Variants in CNTNAP2 observed in about 807,000 individuals in gnomAD.
CNTNAP2 encodes contactin-associated protein-like 2.
Under a neutral mutation model 155.2 loss-of-function variants are expected in CNTNAP2, and 98 were observed. The observed-to-expected ratio is 0.63, with a 90% confidence interval of 0.54 to 0.75. CNTNAP2 has a LOEUF of 0.75. Ranked by LOEUF, CNTNAP2 falls within the 30% of genes least tolerant of loss-of-function variation. The pLI, the probability that CNTNAP2 is intolerant of heterozygous loss-of-function variation, is 0.00. For missense variants in CNTNAP2, 1,727 were observed against 1,688.1 expected (o/e 1.02, Z -0.40); for synonymous variants, 651 against 631.2 (o/e 1.03, Z -0.47).
intron 1 of CNTNAP2, among the ~76,000 whole-genome samples, chr7:146,414,641 C>G (rs557196832): frequency 1.3e-5 from 2 of 151,874 alleles, no homozygotes; most frequent in South Asian, 2.1e-4. Flanking sequence ...TAAGGGGTGA[C>G]TGAAGGGGTT....
intron 1 of CNTNAP2, among the ~76,000 whole-genome samples, chr7:146,649,866 A>C (rs1316978052): frequency 6.6e-6 from 1 of 152,162 alleles, no homozygotes; most frequent in Non-Finnish European, 1.5e-5. Context: ...CTGAAAAGAC[A>C]CTTCTCAAAA....
At chr7:147,726,245 G>A (rs12666318) in intron 13 of CNTNAP2, among the ~76,000 whole-genome samples, 95,515 of 151,806 alleles carry the variant, frequency 0.63, 33,206 homozygotes, top group East Asian at 0.93. Flanking sequence ...GAGAGATCTT[G>A]TGTTAAGTAT....
At chr7:148,105,366 A>T (rs1804184891) in intron 15 of CNTNAP2, among the ~76,000 whole-genome samples, 1 of 152,224 alleles carries the variant, frequency 6.6e-6, no homozygotes, top group South Asian at 2.1e-4. Flanking sequence ...TGGAATCCAC[A>T]CACACCATTG....
chr7:146,662,312 A>C (rs903189748), intron 1 of CNTNAP2, among the ~76,000 whole-genome samples: 1 of 151,358 alleles, frequency 6.6e-6, no homozygotes, highest in African/African-American at 2.4e-5. Context: ...TAGTTTTTCT[A>C]TTTTTAGCAG....
intron 18 of CNTNAP2, among the ~76,000 whole-genome samples, chr7:148,196,303 T>A (rs12533142): frequency 1.6e-4 from 25 of 152,314 alleles, no homozygotes; most frequent in Admixed American, 1.4e-3. Flanking sequence ...TGTCTTTTAA[T>A]CCCAAGTGAA....
intron 21 of CNTNAP2, among the ~76,000 whole-genome samples, chr7:148,301,409 C>G (rs1475765986): frequency 6.7e-6 from 1 of 149,326 alleles, no homozygotes; most frequent in Admixed American, 6.7e-5. Context: ...TCCTCTGTGC[C>G]TCAGTGACAT....
intron 8 of CNTNAP2, among the ~76,000 whole-genome samples, chr7:147,180,400 T>C (rs1297423597): frequency 6.6e-6 from 1 of 152,182 alleles, no homozygotes; most frequent in Non-Finnish European, 1.5e-5. Flanking sequence ...TCCAATTTAG[T>C]ACATTTTGTT....
In CNTNAP2 at chr7:148,116,540, G is replaced by A. The variant is rs537248717; in HGVS notation, c.2384-1578G>A. On this transcript the variant is annotated intron_variant, in intron 15 of 23. Transcript: ENST00000361727. Reference sequence around the variant, plus strand: ...CTGCCCAATTCACGAATCACTGAATGTCCAAATAAACATGTTAAGATTTTA... The same window carrying A: ...CTGCCCAATTCACGAATCACTGAATATCCAAATAAACATGTTAAGATTTTA... Among the ~76,000 whole-genome samples, 4 of 152,282 alleles carry A rather than the reference G, an allele frequency of 2.6e-5. No homozygotes were observed. In the East Asian group the frequency reaches 5.8e-4, roughly 22 times the overall value.
At chr7:146,805,204 T>C (rs1406217303) in intron 2 of CNTNAP2, among the ~76,000 whole-genome samples, 1 of 152,146 alleles carries the variant, frequency 6.6e-6, no homozygotes, top group Non-Finnish European at 1.5e-5. Flanking sequence ...ATATGGCCAC[T>C]GAAATCTCAA....
intron 1 of CNTNAP2, among the ~76,000 whole-genome samples, chr7:146,419,054 G>T (rs188843923): frequency 6.6e-6 from 1 of 152,004 alleles, no homozygotes; most frequent in Admixed American, 6.6e-5. Flanking sequence ...TGAGATTGGG[G>T]TATGCCTTTA....
intron 16 of CNTNAP2, among the ~76,000 whole-genome samples, chr7:148,128,786 G>A (rs911407671): frequency 6.6e-6 from 1 of 152,050 alleles, no homozygotes; most frequent in African/African-American, 2.4e-5. Flanking sequence ...TCCTAAGCTG[G>A]CCAGACAGAG....
intron 13 of CNTNAP2, among the ~76,000 whole-genome samples, chr7:147,864,355 G>A (rs1379152690): frequency 1.3e-5 from 2 of 152,128 alleles, no homozygotes; most frequent in East Asian, 1.9e-4. Flanking sequence ...TTGAAGTCAG[G>A]TAGCATGATG....
rs149679809 is a variant in CNTNAP2, at chr7:147,754,822, AT to A, written c.2098+115517del. Among the ~76,000 whole-genome samples, 1,018 of 152,344 alleles carry A rather than the reference AT, an allele frequency of 6.7e-3. 10 individuals are homozygous for A. The highest frequency in any genetic ancestry group is 0.023 in the African/African-American group (974 of 41,582). On this transcript the variant is annotated intron_variant, in intron 13 of 23. Transcript: ENST00000361727. ...AATAGACAGGAATAAATGAAAAAAA[AT>A]GGCAAAACAAATAATGTTTATGAGG...
At chr7:146,836,990 T>A (rs1320309318) in intron 2 of CNTNAP2, among the ~76,000 whole-genome samples, 1 of 152,184 alleles carries the variant, frequency 6.6e-6, no homozygotes, top group East Asian at 1.9e-4. Flanking sequence ...ACCCTCTGAA[T>A]ACCTTTAAGA....
At chr7:146,236,485 T>A (rs1799475385) in intron 1 of CNTNAP2, among the ~76,000 whole-genome samples, 1 of 152,224 alleles carries the variant, frequency 6.6e-6, no homozygotes, top group South Asian at 2.1e-4. Flanking sequence ...AGAGGAATGC[T>A]ACACAGTCAT....
chr7:147,207,570 T>C (rs1803048285), intron 8 of CNTNAP2, among the ~76,000 whole-genome samples: 1 of 152,110 alleles, frequency 6.6e-6, no homozygotes, highest in African/African-American at 2.4e-5. Flanking sequence ...TTTCTAGACA[T>C]AGTTCTAAAA....
At chr7:147,079,589 T>TATA (rs905700592) in intron 4 of CNTNAP2, among the ~76,000 whole-genome samples, 15 of 149,006 alleles carry the variant, frequency 1.0e-4, no homozygotes, top group Middle Eastern at 3.6e-3. Flanking sequence ...AAACTTAAAG[T>TATA]ATAATAATAA....
intron 15 of CNTNAP2, among the ~76,000 whole-genome samples, chr7:148,080,251 AT>A (rs1181991961): frequency 2.0e-5 from 3 of 152,238 alleles, no homozygotes; most frequent in Non-Finnish European, 4.4e-5. Flanking sequence ...AGCCCAGCTC[AT>A]CCTGACTGAT....
In CNTNAP2 at chr7:147,836,904, A is replaced by T. The variant is rs565205180; in HGVS notation, c.2099-66661A>T. Reference sequence around the variant, plus strand: ...ATTTGAAAATTAACTTATTTTAGTAATGTCTTAATTTTTCTCCTCTGAGTT... The same window carrying T: ...ATTTGAAAATTAACTTATTTTAGTATTGTCTTAATTTTTCTCCTCTGAGTT... On this transcript the variant is annotated intron_variant, in intron 13 of 23. Transcript: ENST00000361727. 2.3e-4 allele frequency among the ~76,000 whole-genome samples: 35 copies of T among 152,298 alleles called. No homozygotes were observed. The South Asian group carries it at 7.2e-3, about 32-fold the overall frequency.
Sources: gnomAD v4.1 joint callset for allele counts (sites outside exome capture counted in the v4.1 genomes callset) on GRCh38, gnomAD v4.1.1 for gene constraint, MANE v1.5 for transcripts, NCBI Gene and HGNC (gene_info 2026-07-23, HGNC 2026-07-21) for gene names.